Variants in GALNT13 observed in about 807,000 individuals in gnomAD.
GALNT13 encodes the protein polypeptide N-acetylgalactosaminyltransferase 13.
Under a neutral mutation model 64.2 loss-of-function variants are expected in GALNT13, and 28 were observed. The ratio of observed to expected loss-of-function variants is 0.44; its 90% CI spans 0.32 to 0.60. The LOEUF (loss-of-function observed/expected upper bound fraction) is 0.60, where lower values mean the gene tolerates loss of function less well. Ranked by LOEUF, GALNT13 falls within the 20% of genes least tolerant of loss-of-function variation. The pLI is 0.05. For missense variants in GALNT13, 577 were observed against 669.8 expected, an observed-to-expected ratio of 0.86 and a Z score of 1.53; for synonymous variants, 214 against 224.6, an observed-to-expected ratio of 0.95 and a Z score of 0.42.
At chr2:153,362,558 A>G in the GALNT13 span, among the ~76,000 whole-genome samples, 789 of 75,658 alleles carry the variant, frequency 0.01, 7 homozygotes, top group African/African-American at 0.029. Context: ...GAGAGCAAAA[A>G]AAAAAAAAAA....
At chr2:153,094,149 AT>A in the GALNT13 span, among the ~76,000 whole-genome samples, 1 of 151,656 alleles carries the variant, frequency 6.6e-6, no homozygotes, top group Non-Finnish European at 1.5e-5. Context: ...TTACAATTTT[AT>A]TTGTGTTCTG....
At chr2:153,206,829 G>A in the GALNT13 span, among the ~76,000 whole-genome samples, 1 of 151,976 alleles carries the variant, frequency 6.6e-6, no homozygotes, top group African/African-American at 2.4e-5. Context: ...TGTTGTTATA[G>A]AAAGTTTTAA....
At chr2:153,627,489 T>A in the GALNT13 span, among the ~76,000 whole-genome samples, 1 of 152,082 alleles carries the variant, frequency 6.6e-6, no homozygotes. Flanking sequence ...TTTATTTAAT[T>A]GCTATATTAT....
intron 9 of GALNT13, among the ~76,000 whole-genome samples, chr2:154,344,072 T>C (rs1196088349): frequency 6.6e-6 from 1 of 152,042 alleles, no homozygotes. Context: ...TGATAGAATA[T>C]GTTTCTAAGA....
the GALNT13 span, among the ~76,000 whole-genome samples, chr2:153,504,799 G>A: frequency 6.6e-6 from 1 of 152,220 alleles, no homozygotes; most frequent in South Asian, 2.1e-4. Context: ...TTTTGTTGAG[G>A]ATTTTTGCAT....
intron 4 of GALNT13, among the ~76,000 whole-genome samples, chr2:154,149,597 T>A (rs180802962): frequency 2.8e-4 from 43 of 152,332 alleles, no homozygotes; most frequent in Non-Finnish European, 5.6e-4. Flanking sequence ...TCCTCTTTTA[T>A]TTCCTTGAGC....
At chr2:153,329,284 T>C in the GALNT13 span, among the ~76,000 whole-genome samples, 472 of 152,330 alleles carry the variant, frequency 3.1e-3, 19 homozygotes, top group East Asian at 0.083. Flanking sequence ...TGTTTTCTTA[T>C]AGCTGTATAC....
chr2:153,823,927 C>A, the GALNT13 span, among the ~76,000 whole-genome samples: 3 of 152,134 alleles, frequency 2.0e-5, no homozygotes, highest in East Asian at 1.9e-4. Context: ...CCAACAAAAA[C>A]CAAATAACCC....
the GALNT13 span, among the ~76,000 whole-genome samples, chr2:153,106,683 G>T: frequency 6.6e-6 from 1 of 152,108 alleles, no homozygotes. Flanking sequence ...AAAAATGTAG[G>T]TCTGAGCCTA....
At chr2:153,272,200 G>C in the GALNT13 span, among the ~76,000 whole-genome samples, 2 of 152,084 alleles carry the variant, frequency 1.3e-5, no homozygotes, top group Non-Finnish European at 2.9e-5. Context: ...ACATAGGTAT[G>C]GGCAAGGACT....
chr2:154,193,055 G>A (rs1177611174), intron 4 of GALNT13, among the ~76,000 whole-genome samples: 3 of 152,178 alleles, frequency 2.0e-5, no homozygotes, highest in African/African-American at 7.2e-5. Flanking sequence ...TAAACTATTA[G>A]TGTGTGTTTG....
chr2:153,343,519 T>C, the GALNT13 span, among the ~76,000 whole-genome samples: 10 of 152,096 alleles, frequency 6.6e-5, no homozygotes, highest in Admixed American at 2.6e-4. Context: ...TTATAAAAAA[T>C]ATGTTTATTG....
the GALNT13 span, among the ~76,000 whole-genome samples, chr2:153,183,266 G>A: frequency 1.3e-5 from 2 of 152,070 alleles, no homozygotes; most frequent in Non-Finnish European, 2.9e-5. Context: ...TGTTAACCAC[G>A]TGTACGTCTT....
chr2:154,271,690 C>A (rs1026169900), intron 8 of GALNT13, among the ~76,000 whole-genome samples: 10 of 151,854 alleles, frequency 6.6e-5, no homozygotes, highest in Non-Finnish European at 1.0e-4. Context: ...AAATACTCGT[C>A]TACTATCTAA....
intron 3 of GALNT13, among the ~76,000 whole-genome samples, chr2:154,056,273 AT>A (rs924253766): frequency 2.0e-5 from 3 of 152,176 alleles, no homozygotes; most frequent in African/African-American, 7.2e-5. Context: ...TTTTTAAAAA[AT>A]CTTAAGTTGA....
At chr2:153,724,842 T>G in the GALNT13 span, among the ~76,000 whole-genome samples, 3 of 148,316 alleles carry the variant, frequency 2.0e-5, no homozygotes, top group South Asian at 6.6e-4. Context: ...ACAGGAACAC[T>G]TTTACACTGT....
At chr2:153,857,525 G>A in the GALNT13 span, among the ~76,000 whole-genome samples, 233 of 152,222 alleles carry the variant, frequency 1.5e-3, no homozygotes, top group Middle Eastern at 3.4e-3. Context: ...CAAAGCATTC[G>A]TAAAAAATCA....
chr2:153,957,561 A>G (rs1692651939), intron 3 of GALNT13, among the ~76,000 whole-genome samples: 1 of 152,196 alleles, frequency 6.6e-6, no homozygotes, highest in Non-Finnish European at 1.5e-5. Flanking sequence ...TACCAGGGAC[A>G]GTTAGGACAT....
the GALNT13 span, among the ~76,000 whole-genome samples, chr2:153,393,988 ACACC>A: frequency 0.23 from 23,296 of 100,532 alleles, 1,881 homozygotes; most frequent in African/African-American, 0.31. Flanking sequence ...ACACACACAC[ACACC>A]CCCTATTGGT....
Sources: gnomAD v4.1 joint callset for allele counts (sites outside exome capture counted in the v4.1 genomes callset) on GRCh38, gnomAD v4.1.1 for gene constraint, MANE v1.5 for transcripts, NCBI Gene and HGNC (gene_info 2026-07-23, HGNC 2026-07-21) for gene names.